The following BCL7C variants were observed in gnomAD, a reference collection of about 807,000 sequenced individuals.
The protein encoded by BCL7C is B-cell CLL/lymphoma 7 protein family member C.
In BCL7C, 8 loss-of-function variants were observed where a neutral mutation model predicts 26.2. The ratio of observed to expected loss-of-function variants is 0.30; its 90% CI spans 0.18 to 0.55. BCL7C has a LOEUF of 0.55. Among genes scored for constraint, BCL7C ranks in the 20% least tolerant of loss-of-function variants. The probability of loss-of-function intolerance (pLI) is 0.93; values close to 1 mark genes in which losing one functional copy is unlikely to be tolerated. For missense variants in BCL7C, 262 were observed against 298.5 expected, an observed-to-expected ratio of 0.88 and a Z score of 0.90; for synonymous variants, 90 against 116.5, an observed-to-expected ratio of 0.77 and a Z score of 1.47.
In BCL7C at chr16:30,846,184, C is replaced by G. The variant is rs563555056; in HGVS notation, c.529-11036G>C. The stretch of plus-strand genomic sequence containing the variant: ...GGGACCACAGGTTTGCACCACCATG[C>G]CTGGCTAATTTTAAAATTTATTTAT... On this transcript the variant is annotated intron_variant, in intron 5 of 5. Coordinates refer to the BCL7C transcript ENST00000380317. Among the ~76,000 whole-genome samples the G allele has an allele frequency of 2.9e-3, 397 of 137,706 alleles. 2 individuals are homozygous for G. The highest frequency in any genetic ancestry group is 0.011 in the African/African-American group (390 of 36,158). The allele number at this position is 137,706 out of a possible 152,430, so 90.3% of individuals were successfully genotyped here. A position where few individuals can be genotyped will look rare whatever the true frequency, so the allele number is the denominator to read the frequency against.
chr16:30,835,006 C>G (rs1190200118), exon 6 of BCL7C: 2 of 1,548,716 alleles, frequency 1.3e-6, no homozygotes, highest in Non-Finnish European at 1.7e-6. Context: ...GCTGCCTCCC[C>G]CGGGAGCTCT....
chr16:30,863,626 G>A (rs978497604), intron 5 of BCL7C, among the ~76,000 whole-genome samples: 4 of 152,094 alleles, frequency 2.6e-5, no homozygotes, highest in African/African-American at 9.7e-5. Context: ...TGTCCCTCAC[G>A]GCTAGTTTTT....
At chr16:30,864,325 C>T (rs1055612537) in intron 5 of BCL7C, among the ~76,000 whole-genome samples, 6 of 152,124 alleles carry the variant, frequency 3.9e-5, no homozygotes, top group Non-Finnish European at 8.8e-5. Context: ...TGAGTACTCC[C>T]AATTCTTAGT....
At chr16:30,836,589 C>A (rs1489720301) in intron 5 of BCL7C, among the ~76,000 whole-genome samples, 1 of 151,758 alleles carries the variant, frequency 6.6e-6, no homozygotes, top group African/African-American at 2.4e-5. Context: ...ATCCTCCCAC[C>A]TCAGCCTCCC....
intron 5 of BCL7C, chr16:30,851,322 C>T: frequency 5.1e-6 from 1 of 197,532 alleles, no homozygotes; most frequent in Non-Finnish European, 1.0e-5. Context: ...CTCATCGCAA[C>T]CTCCACCTTC....
intron 5 of BCL7C, among the ~76,000 whole-genome samples, chr16:30,866,056 CA>C (rs1177491717): frequency 6.6e-6 from 1 of 151,958 alleles, no homozygotes; most frequent in African/African-American, 2.4e-5. Flanking sequence ...ATAACAACAA[CA>C]AATCCTCATA....
rs897260294 is a variant in BCL7C, at chr16:30,892,675, G to T, written c.353C>A (p.Thr118Asn). The T allele has an allele frequency of 9.9e-6, 16 of 1,613,862 alleles. No homozygotes were observed. Among genetic ancestry groups the T allele is most frequent in the Non-Finnish European group, 1.1e-5 (13 of 1,179,932 alleles). ...QKGTEPSPGG[T>N]PQPSRPVSPA... ...TGACACAGGGCGGCTGGGCTGGGGG[G>T]TGCCCCCAGGACTGGGCTCTGTGCC... The change falls in exon 4 of 6, where the codon ACC becomes AAC. Residue 118 changes from threonine to asparagine, a missense_variant. By Grantham distance (65) the Thr-to-Asn change is moderately conservative (BLOSUM62 0). Transcript: ENST00000215115.
At chr16:30,862,481 C>T (rs2054785241) in intron 5 of BCL7C, among the ~76,000 whole-genome samples, 1 of 152,140 alleles carries the variant, frequency 6.6e-6, no homozygotes, top group African/African-American at 2.4e-5. Context: ...TCTTTCTGTC[C>T]ATCTGCTTCT....
rs1470129474 is a variant in BCL7C, at chr16:30,873,918, CCTCT to C, written c.528+14938_528+14941del. Among the ~76,000 whole-genome samples the C allele has an allele frequency of 6.5e-5, 5 of 77,430 alleles. No homozygotes were observed. The South Asian group carries it at 9.2e-4, about 14-fold the overall frequency. The allele number at this position is 77,430 out of a possible 152,430, so 50.8% of individuals were successfully genotyped here. ...ATAGAAAAATTATATAATTTTTCCT[CCTCT>C]CTCTATATACATATATATATAGATA... On this transcript the variant is annotated intron_variant, in intron 5 of 5. Transcript: ENST00000380317.
At chr16:30,838,779 C>T (rs559182046) in intron 5 of BCL7C, among the ~76,000 whole-genome samples, 3 of 152,194 alleles carry the variant, frequency 2.0e-5, no homozygotes, top group Admixed American at 1.3e-4. Context: ...AGCGAGACTC[C>T]GTCTCAAACA....
intron 5 of BCL7C, among the ~76,000 whole-genome samples, chr16:30,872,154 G>T (rs1414529483): frequency 6.6e-6 from 1 of 152,186 alleles, no homozygotes; most frequent in East Asian, 1.9e-4. Context: ...GTCTGAGGGA[G>T]GAGGCAGAGT....
At chr16:30,851,082 T>C (rs1327619528) in intron 5 of BCL7C, among the ~76,000 whole-genome samples, 1 of 152,220 alleles carries the variant, frequency 6.6e-6, no homozygotes, top group African/African-American at 2.4e-5. Context: ...CGTAAAAATC[T>C]GTGCTTCGGG....
At chr16:30,863,868 G>A (rs990048018) in intron 5 of BCL7C, among the ~76,000 whole-genome samples, 1 of 151,982 alleles carries the variant, frequency 6.6e-6, no homozygotes, top group South Asian at 2.1e-4. Flanking sequence ...TCCCCAATCC[G>A]CCACTCTTGA....
chr16:30,865,172 CAAAAAA>C (rs529882511), intron 5 of BCL7C, among the ~76,000 whole-genome samples: 1 of 40,836 alleles, frequency 2.4e-5, no homozygotes. Flanking sequence ...ACCTCCAACT[CAAAAAA>C]AAAAAAAAAA....
intron 5 of BCL7C, among the ~76,000 whole-genome samples, chr16:30,865,172 C>CAAAAAA (rs529882511): frequency 4.9e-5 from 2 of 40,832 alleles, no homozygotes; most frequent in Admixed American, 2.9e-4. Context: ...ACCTCCAACT[C>CAAAAAA]AAAAAAAAAA....
intron 5 of BCL7C, among the ~76,000 whole-genome samples, chr16:30,845,086 G>C (rs1365309888): frequency 2.0e-5 from 3 of 152,100 alleles, no homozygotes; most frequent in Non-Finnish European, 4.4e-5. Context: ...CCCCCAATAT[G>C]GACACCACAA....
chr16:30,892,490 C>T, intron 4 of BCL7C, 96 bp downstream of exon 4: 2 of 1,330,002 alleles, frequency 1.5e-6, no homozygotes, highest in South Asian at 2.9e-5. Context: ...GGAGGGTGCA[C>T]AAGACGGGGA....
At chr16:30,847,229 AACTAGGGC>A (rs1170451956) in intron 5 of BCL7C, among the ~76,000 whole-genome samples, 3 of 152,210 alleles carry the variant, frequency 2.0e-5, no homozygotes, top group Admixed American at 1.3e-4. Flanking sequence ...GTCATGCAAA[AACTAGGGC>A]ACTAATTGGG....
intron 5 of BCL7C, among the ~76,000 whole-genome samples, chr16:30,878,242 G>C (rs1391936545): frequency 6.6e-6 from 1 of 151,626 alleles, no homozygotes; most frequent in Non-Finnish European, 1.5e-5. Context: ...TAAAATGTCT[G>C]GGGTGGGGCC....
Sources: gnomAD v4.1 joint callset for allele counts (sites outside exome capture counted in the v4.1 genomes callset) on GRCh38, gnomAD v4.1.1 for gene constraint, MANE v1.5 for transcripts, NCBI Gene and HGNC (gene_info 2026-07-23, HGNC 2026-07-21) for gene names.